Variants in ZCWPW2 observed in about 807,000 individuals in gnomAD.
ZCWPW2 encodes the protein zinc finger CW-type PWWP domain protein 2.
A neutral mutation model predicts 46.6 loss-of-function variants in ZCWPW2; 45 were observed. The ratio of observed to expected loss-of-function variants is 0.96; its 90% CI spans 0.76 to 1.24. The LOEUF is 1.24. Ranked by LOEUF, ZCWPW2 falls within the 50% of genes most tolerant of loss-of-function variation. The probability of loss-of-function intolerance (pLI) is 0.00; values close to 1 mark genes in which losing one functional copy is unlikely to be tolerated. For synonymous variants in ZCWPW2, 152 were observed against 137.1 expected (o/e 1.11, Z -0.76); for missense variants, 429 against 403.9 (o/e 1.06, Z -0.53).
chr3:28,367,948 T>C (rs974200437), intron 1 of ZCWPW2, among the ~76,000 whole-genome samples: 1 of 152,198 alleles, frequency 6.6e-6, no homozygotes, highest in East Asian at 1.9e-4. Context: ...GTCTGTTTTA[T>C]CAGAGACTAG....
At chr3:28,516,067 C>T (rs1320114921) in intron 8 of ZCWPW2, among the ~76,000 whole-genome samples, 4 of 151,770 alleles carry the variant, frequency 2.6e-5, no homozygotes, top group Admixed American at 6.6e-5. Flanking sequence ...ACAGTGAAAC[C>T]GGTCTCAACT....
chr3:28,450,175 C>T (rs1452152665), intron 4 of ZCWPW2, among the ~76,000 whole-genome samples: 1 of 152,132 alleles, frequency 6.6e-6, no homozygotes, highest in African/African-American at 2.4e-5. Context: ...TGAGGCATTA[C>T]AGTTTTGTTG....
intron 4 of ZCWPW2, among the ~76,000 whole-genome samples, chr3:28,442,164 C>T (rs1276885573): frequency 6.6e-6 from 1 of 152,196 alleles, no homozygotes; most frequent in Non-Finnish European, 1.5e-5. Context: ...GAGTAACACA[C>T]CCAAATGAGG....
chr3:28,459,697 C>G (rs895647513), intron 4 of ZCWPW2, among the ~76,000 whole-genome samples: 1 of 152,076 alleles, frequency 6.6e-6, no homozygotes, highest in Admixed American at 6.5e-5. Flanking sequence ...CTGTGACATC[C>G]AGAGCCCTCT....
chr3:28,441,193 TCAC>T (rs1258997612), intron 4 of ZCWPW2, among the ~76,000 whole-genome samples: 1 of 152,204 alleles, frequency 6.6e-6, no homozygotes, highest in Non-Finnish European at 1.5e-5. Flanking sequence ...TTTTCTGGCG[TCAC>T]CTATTGGTGA....
At chr3:28,470,451 G>A (rs1297416402) in intron 4 of ZCWPW2, among the ~76,000 whole-genome samples, 7 of 148,474 alleles carry the variant, frequency 4.7e-5, no homozygotes, top group South Asian at 2.1e-4. Context: ...CCGAGATCGC[G>A]TCACAGCACT....
In ZCWPW2 at chr3:28,460,737, A is replaced by G. The variant is rs138050183; in HGVS notation, c.493-18077A>G. 2.5e-3 allele frequency among the ~76,000 whole-genome samples: 386 copies of G among 152,324 alleles called. 1 individual carries two copies. Among genetic ancestry groups the G allele is most frequent in the African/African-American group, 8.4e-3 (350 of 41,578 alleles). On this transcript the variant is annotated intron_variant, in intron 4 of 9. Coordinates refer to ENST00000383768, the MANE Select transcript of ZCWPW2 (RefSeq NM_001040432.4). ...AGTTTCTACTGAACTGCTTTAAGTG[A>G]AAACGATCTGCCCAACAGAGGAAAA...
At chr3:28,356,260 ATCACT>A (rs1170690047) in intron 1 of ZCWPW2, among the ~76,000 whole-genome samples, 2 of 152,378 alleles carry the variant, frequency 1.3e-5, no homozygotes, top group East Asian at 3.9e-4. Context: ...AATGCTCATC[ATCACT>A]GGCCATCAGA....
chr3:28,370,997 G>A (rs965444689), intron 1 of ZCWPW2, among the ~76,000 whole-genome samples: 1 of 152,038 alleles, frequency 6.6e-6, no homozygotes, highest in Admixed American at 6.6e-5. Flanking sequence ...TTCCCAAAGT[G>A]CTGTGATTAC....
In ZCWPW2 at chr3:28,469,594, T is replaced by G. The variant is rs147535117; in HGVS notation, c.493-9220T>G. Reference sequence around the variant, plus strand: ...ATACTTAATACCAGACAATATAGGTTTCAAGACAAAAACTGTAAGAAGAGA... The same window carrying G: ...ATACTTAATACCAGACAATATAGGTGTCAAGACAAAAACTGTAAGAAGAGA... On this transcript the variant is annotated intron_variant, in intron 4 of 9. Coordinates refer to ENST00000383768, the MANE Select transcript of ZCWPW2 (RefSeq NM_001040432.4). Among the ~76,000 whole-genome samples, 401 of 151,982 alleles carry G rather than the reference T, an allele frequency of 2.6e-3. 1 individual carries two copies. Among genetic ancestry groups the G allele is most frequent in the Middle Eastern group, 6.9e-3 (2 of 290 alleles).
chr3:28,479,991 TGA>T (rs1323758831), intron 5 of ZCWPW2, among the ~76,000 whole-genome samples: 1 of 152,212 alleles, frequency 6.6e-6, no homozygotes, highest in African/African-American at 2.4e-5. Context: ...GCATTTAGGT[TGA>T]GTCATTGTCT....
At position 28,375,150 on chromosome 3, in the gene ZCWPW2, G is replaced by GTT. The variant is rs796885722; in HGVS notation, c.-133-15338_-133-15337dup. 9.0e-5 allele frequency among the ~76,000 whole-genome samples: 13 copies of GTT among 144,164 alleles called. No individual in the cohort carries two copies. The East Asian group carries it at 1.8e-3, about 20-fold the overall frequency. 94.6% of individuals were successfully genotyped at this position (144,164 alleles called of 152,430 possible). A position where few individuals can be genotyped will look rare whatever the true frequency, so the allele number is the denominator to read the frequency against. ...TTCCTGATGTAAGTATAACTACTTG[G>GTT]TTTTTTTTTTTAGTTTTTTGTTTGT... On this transcript the variant is annotated intron_variant, in intron 1 of 9. Coordinates refer to ENST00000383768, the MANE Select transcript of ZCWPW2 (RefSeq NM_001040432.4).
At chr3:28,420,437 C>G (rs1046542478) in intron 3 of ZCWPW2, among the ~76,000 whole-genome samples, 3 of 151,956 alleles carry the variant, frequency 2.0e-5, no homozygotes, top group African/African-American at 7.3e-5. Flanking sequence ...GGTTATTTTT[C>G]CTGATCCTCT....
At chr3:28,446,420 G>T (rs560149693) in intron 4 of ZCWPW2, among the ~76,000 whole-genome samples, 1 of 151,876 alleles carries the variant, frequency 6.6e-6, no homozygotes, top group African/African-American at 2.4e-5. Flanking sequence ...ATGAATCAAA[G>T]AAAAAATTGT....
chr3:28,435,713 C>G (rs886869857), intron 4 of ZCWPW2, among the ~76,000 whole-genome samples: 2 of 151,928 alleles, frequency 1.3e-5, no homozygotes, highest in Middle Eastern at 3.2e-3. Flanking sequence ...GTCTCGAACT[C>G]CTGACCTTGT....
intron 4 of ZCWPW2, among the ~76,000 whole-genome samples, chr3:28,439,857 A>G (rs1697675824): frequency 6.6e-6 from 1 of 152,172 alleles, no homozygotes; most frequent in African/African-American, 2.4e-5. Flanking sequence ...AAGAGCAAAT[A>G]CTCATGACAA....
intron 1 of ZCWPW2, among the ~76,000 whole-genome samples, chr3:28,361,709 G>A (rs951918955): frequency 2.0e-5 from 3 of 152,086 alleles, no homozygotes; most frequent in Non-Finnish European, 4.4e-5. Flanking sequence ...ATTAAAAATG[G>A]CAAAGGGCTT....
intron 2 of ZCWPW2, among the ~76,000 whole-genome samples, chr3:28,410,488 A>G (rs1375278438): frequency 6.6e-6 from 1 of 152,024 alleles, no homozygotes; most frequent in Non-Finnish European, 1.5e-5. Flanking sequence ...AACAAATGCC[A>G]AAAAAATCAA....
intron 4 of ZCWPW2, among the ~76,000 whole-genome samples, chr3:28,474,449 A>G (rs1258797308): frequency 1.3e-5 from 2 of 152,190 alleles, no homozygotes; most frequent in Non-Finnish European, 2.9e-5. Context: ...ACAGCGTATT[A>G]GGAACAACCT....
Sources: allele counts gnomAD v4.1 joint callset (sites outside exome capture counted in the v4.1 genomes callset), GRCh38; gene constraint gnomAD v4.1.1; transcripts MANE v1.5; gene names NCBI Gene and HGNC (gene_info 2026-07-23, HGNC 2026-07-21).